KAZN: variants seen among roughly 807,000 people sequenced by gnomAD.
KAZN encodes the protein kazrin, periplakin interacting protein, also known as kazrin.
A neutral mutation model predicts 87.4 loss-of-function variants in KAZN; 40 were observed. That is an observed-to-expected ratio of 0.46 (90% confidence interval 0.36 to 0.60). KAZN has a LOEUF of 0.60. KAZN is among the 20% of genes least tolerant of loss of function. The pLI is 0.00. For synonymous variants in KAZN, 466 were observed against 458.3 expected (o/e 1.02, Z -0.22); for missense variants, 898 against 1,073.9 (o/e 0.84, Z 2.29).
chr1:14,255,911 A>T (rs1165677143), intron 2 of KAZN, among the ~76,000 whole-genome samples: 1 of 152,194 alleles, frequency 6.6e-6, no homozygotes, highest in Non-Finnish European at 1.5e-5. Context: ...CTGCCTGGTG[A>T]GTCATCCCTG....
chr1:14,952,183 T>G (rs1662566303), intron 1 of KAZN, among the ~76,000 whole-genome samples: 1 of 152,056 alleles, frequency 6.6e-6, no homozygotes, highest in South Asian at 2.1e-4. Flanking sequence ...TGGAAGTGAC[T>G]TCCATTTGAC....
intron 2 of KAZN, among the ~76,000 whole-genome samples, chr1:14,995,348 T>C (rs992490997): frequency 6.6e-6 from 1 of 152,188 alleles, no homozygotes; most frequent in African/African-American, 2.4e-5. Flanking sequence ...GTTGTGCTTC[T>C]CCCCTTCCCT....
intron 1 of KAZN, among the ~76,000 whole-genome samples, chr1:14,096,438 G>A (rs913547985): frequency 6.6e-6 from 1 of 152,196 alleles, no homozygotes; most frequent in Non-Finnish European, 1.5e-5. Context: ...TTAGGAAAAG[G>A]TGCAGGTGCC....
chr1:14,529,519 A>T (rs759037645), intron 2 of KAZN, among the ~76,000 whole-genome samples: 1 of 152,206 alleles, frequency 6.6e-6, no homozygotes, highest in Non-Finnish European at 1.5e-5. Flanking sequence ...GTGAGAGAAG[A>T]GTGTCTTGTA....
At chr1:15,110,165 TTG>T (rs1428593556) in intron 13 of KAZN, among the ~76,000 whole-genome samples, 30 of 145,328 alleles carry the variant, frequency 2.1e-4, no homozygotes, top group Admixed American at 7.1e-5. Context: ...GCATATGTGT[TTG>T]TGTGTGTATA....
At position 13,981,105 on chromosome 1, in the gene KAZN, ATATATG is replaced by A. The variant is rs909568389; in HGVS notation, c.91+87355_91+87360del. 2.4e-3 allele frequency among the ~76,000 whole-genome samples: 327 copies of A among 133,498 alleles called. 18 individuals carry two copies. Among genetic ancestry groups the A allele is most frequent in the African/African-American group, 8.8e-3 (313 of 35,748 alleles). The allele number at this position is 133,498 out of a possible 152,430, so 87.6% of individuals were successfully genotyped here. ...AATTACTCTTTATATATATATATAT[ATATATG>A]TATATATAAACACAGATTATATATA... is the stretch of plus-strand genomic sequence containing the variant. On this transcript the variant is annotated intron_variant, in intron 1 of 16. Transcript: ENST00000636203.
chr1:14,031,766 C>T (rs1460402027), intron 1 of KAZN, among the ~76,000 whole-genome samples: 1 of 152,184 alleles, frequency 6.6e-6, no homozygotes, highest in Non-Finnish European at 1.5e-5. Context: ...GCTTCAAGGG[C>T]AGGAGGATTG....
At chr1:14,584,423 AG>A (rs1253053561) in intron 2 of KAZN, among the ~76,000 whole-genome samples, 4 of 152,170 alleles carry the variant, frequency 2.6e-5, no homozygotes, top group African/African-American at 7.2e-5. Context: ...CACTCCACAG[AG>A]AGGAGCAAGA....
intron 2 of KAZN, among the ~76,000 whole-genome samples, chr1:14,529,788 GC>G (rs1672112040): frequency 6.6e-6 from 1 of 152,218 alleles, no homozygotes; most frequent in East Asian, 1.9e-4. Context: ...CCAGGGCATT[GC>G]AAGCCCTGTT....
chr1:15,009,838 CT>C (rs1669401036), intron 2 of KAZN, among the ~76,000 whole-genome samples: 1 of 152,214 alleles, frequency 6.6e-6, no homozygotes, highest in Non-Finnish European at 1.5e-5. Flanking sequence ...CTGTCTCACC[CT>C]CCGCTCGTTC....
chr1:14,017,491 C>A (rs1404958678), intron 1 of KAZN, among the ~76,000 whole-genome samples: 1 of 152,176 alleles, frequency 6.6e-6, no homozygotes, highest in Non-Finnish European at 1.5e-5. Context: ...CCAGTGCATT[C>A]TCTTAGCTTG....
chr1:14,913,143 G>A (rs1004676328), intron 1 of KAZN, among the ~76,000 whole-genome samples: 1 of 152,138 alleles, frequency 6.6e-6, no homozygotes, highest in African/African-American at 2.4e-5. Flanking sequence ...GGCACTGTGG[G>A]CACAGAGCAA....
chr1:14,774,467 G>C (rs1557476080), intron 1 of KAZN, among the ~76,000 whole-genome samples: 1 of 141,154 alleles, frequency 7.1e-6, no homozygotes, highest in East Asian at 2.0e-4. Context: ...TTCTTGAACA[G>C]ATTTTTTTTT....
At chr1:14,188,957 G>C (rs1420086409) in intron 2 of KAZN, among the ~76,000 whole-genome samples, 1 of 152,090 alleles carries the variant, frequency 6.6e-6, no homozygotes, top group African/African-American at 2.4e-5. Flanking sequence ...ATTGCACTTA[G>C]AACAGGAATC....
At chr1:14,326,418 G>T (rs1412911423) in intron 2 of KAZN, among the ~76,000 whole-genome samples, 1 of 152,116 alleles carries the variant, frequency 6.6e-6, no homozygotes, top group Non-Finnish European at 1.5e-5. Flanking sequence ...TCCACAACCT[G>T]ATCAAGCCAC....
chr1:14,269,569 T>C (rs1414742963), intron 2 of KAZN, among the ~76,000 whole-genome samples: 1 of 152,090 alleles, frequency 6.6e-6, no homozygotes, highest in Non-Finnish European at 1.5e-5. Context: ...AAGCCTAGAA[T>C]TGGAAGACAG....
At chr1:14,666,571 G>C (rs1465689695) in intron 1 of KAZN, among the ~76,000 whole-genome samples, 2 of 152,146 alleles carry the variant, frequency 1.3e-5, no homozygotes, top group East Asian at 3.9e-4. Flanking sequence ...GGAAGTACAA[G>C]ATCCAGGTGT....
chr1:14,876,174 A>T (rs943802250), intron 1 of KAZN, among the ~76,000 whole-genome samples: 6 of 152,216 alleles, frequency 3.9e-5, no homozygotes, highest in African/African-American at 1.4e-4. Context: ...GAAACAATAG[A>T]TGAGGTGATG....
chr1:15,016,593 T>C (rs1670130579), intron 2 of KAZN, among the ~76,000 whole-genome samples: 1 of 152,156 alleles, frequency 6.6e-6, no homozygotes, highest in African/African-American at 2.4e-5. Context: ...GCCTTGAGAA[T>C]GCATTTGTTT....
Sources: gnomAD v4.1 joint callset for allele counts (sites outside exome capture counted in the v4.1 genomes callset) on GRCh38, gnomAD v4.1.1 for gene constraint, MANE v1.5 for transcripts, NCBI Gene and HGNC (gene_info 2026-07-23, HGNC 2026-07-21) for gene names.